Variants in SPAG16 observed in about 807,000 individuals in gnomAD.
SPAG16 encodes the protein sperm associated antigen 16.
Under a neutral mutation model 80.4 loss-of-function variants are expected in SPAG16, and 86 were observed. The observed-to-expected ratio is 1.07, with a 90% CI of 0.90 to 1.28. The LOEUF (loss-of-function observed/expected upper bound fraction) is 1.28. SPAG16 is among the 50% of genes most tolerant of loss of function. The probability of loss-of-function intolerance (pLI) is 0.00; values close to 1 mark genes in which losing one functional copy is unlikely to be tolerated. For missense variants in SPAG16, 870 were observed against 765.3 expected (o/e 1.14, Z -1.61); for synonymous variants, 294 against 265.9 (o/e 1.11, Z -1.03).
At chr2:214,130,166 G>T (rs1255581734) in intron 14 of SPAG16, among the ~76,000 whole-genome samples, 2 of 152,148 alleles carry the variant, frequency 1.3e-5, no homozygotes, top group Non-Finnish European at 2.9e-5. Flanking sequence ...GATAAGCCCT[G>T]ATTGGCAAGC....
chr2:213,447,984 G>A (rs2071440923), intron 9 of SPAG16, among the ~76,000 whole-genome samples: 1 of 152,280 alleles, frequency 6.6e-6, no homozygotes, highest in South Asian at 2.1e-4. Context: ...GTGATCATGG[G>A]CCTAATTACA....
chr2:213,833,513 A>ATATATATATTATATAT (rs2073860615), intron 10 of SPAG16, among the ~76,000 whole-genome samples: 1 of 888 alleles, frequency 1.1e-3, no homozygotes, highest in Non-Finnish European at 2.2e-3. Flanking sequence ...ATTATATATA[A>ATATATATATTATATAT]TATATATAAT....
chr2:213,704,954 A>G (rs1290156550), intron 10 of SPAG16, among the ~76,000 whole-genome samples: 2 of 148,088 alleles, frequency 1.4e-5, no homozygotes, highest in East Asian at 1.9e-4. Context: ...CAGGAATTAG[A>G]AAAAAAAAAT....
At chr2:213,817,842 G>T (rs888867632) in intron 10 of SPAG16, among the ~76,000 whole-genome samples, 1 of 152,148 alleles carries the variant, frequency 6.6e-6, no homozygotes, top group Non-Finnish European at 1.5e-5. Context: ...AGGTGGGTAA[G>T]TGTTGAAAAA....
At chr2:214,335,873 C>G (rs1697256289) in intron 15 of SPAG16, among the ~76,000 whole-genome samples, 1 of 151,160 alleles carries the variant, frequency 6.6e-6, no homozygotes, top group African/African-American at 2.4e-5. Context: ...ATTCTCCTGC[C>G]TCAGCCTCCC....
chr2:214,132,160 G>C (rs2054814914), intron 14 of SPAG16, among the ~76,000 whole-genome samples: 1 of 152,174 alleles, frequency 6.6e-6, no homozygotes, highest in Non-Finnish European at 1.5e-5. Flanking sequence ...ATTCTTGAAA[G>C]AGTTCTATTG....
At position 213,706,669 on chromosome 2, in the gene SPAG16, A is replaced by C. The variant is rs2065763887; in HGVS notation, c.1071-155816A>C. ...CTATTTAAAAACCTTTGGTAGATTA[A>C]TTAATTAACTAATGCTACATCATAA... is the stretch of plus-strand genomic sequence containing the variant. On this transcript the variant is annotated intron_variant, in intron 10 of 15. Coordinates refer to ENST00000331683, the MANE Select transcript of SPAG16 (RefSeq NM_024532.5). Among the ~76,000 whole-genome samples the C allele has an allele frequency of 2.0e-5, 3 of 152,330 alleles. 1 individual carries two copies. In the South Asian group the frequency reaches 6.2e-4, roughly 32 times the overall value.
At chr2:213,915,141 T>A (rs548254600) in intron 11 of SPAG16, among the ~76,000 whole-genome samples, 13 of 149,686 alleles carry the variant, frequency 8.7e-5, no homozygotes, top group Admixed American at 6.0e-4. Flanking sequence ...TTTTTTTTTT[T>A]AATTATACTT....
intron 13 of SPAG16, among the ~76,000 whole-genome samples, chr2:214,068,314 A>G (rs1247864290): frequency 6.6e-6 from 1 of 152,172 alleles, no homozygotes; most frequent in African/African-American, 2.4e-5. Flanking sequence ...AATAAGCACT[A>G]TTGGTGTGTA....
chr2:213,424,221 G>A (rs1226933069), intron 9 of SPAG16, among the ~76,000 whole-genome samples: 4 of 152,118 alleles, frequency 2.6e-5, no homozygotes, highest in African/African-American at 7.2e-5. Context: ...AGATATATGA[G>A]GAGGGAAATT....
At chr2:214,340,722 G>T (rs1392969063) in intron 15 of SPAG16, among the ~76,000 whole-genome samples, 1 of 152,140 alleles carries the variant, frequency 6.6e-6, no homozygotes, top group African/African-American at 2.4e-5. Context: ...TGGATTCTTT[G>T]CTTAGGGCCC....
At chr2:213,530,338 G>A (rs1395450616) in intron 10 of SPAG16, among the ~76,000 whole-genome samples, 1 of 152,200 alleles carries the variant, frequency 6.6e-6, no homozygotes, top group East Asian at 1.9e-4. Context: ...GTGACATTGT[G>A]GTGTATGACA....
chr2:213,794,554 C>A (rs951180224), intron 10 of SPAG16, among the ~76,000 whole-genome samples: 1 of 151,862 alleles, frequency 6.6e-6, no homozygotes, highest in Non-Finnish European at 1.5e-5. Context: ...CTTTTCTTCC[C>A]GAAATACTTA....
chr2:214,029,807 T>C (rs576347113), intron 13 of SPAG16, among the ~76,000 whole-genome samples: 54 of 152,282 alleles, frequency 3.5e-4, no homozygotes, highest in African/African-American at 1.3e-3. Context: ...ATTTTGCTCT[T>C]AACAGCTGTA....
chr2:214,029,440 G>A (rs2048303033), intron 13 of SPAG16, among the ~76,000 whole-genome samples: 1 of 152,020 alleles, frequency 6.6e-6, no homozygotes, highest in African/African-American at 2.4e-5. Flanking sequence ...CGAGCAAAGA[G>A]GTACATTATC....
At chr2:214,081,827 T>C (rs1221377728) in intron 13 of SPAG16, among the ~76,000 whole-genome samples, 1 of 132,218 alleles carries the variant, frequency 7.6e-6, no homozygotes, top group Non-Finnish European at 1.7e-5. Context: ...TGCTCTCTCC[T>C]ACTCATTGTA....
intron 10 of SPAG16, among the ~76,000 whole-genome samples, chr2:213,509,009 T>C (rs1220922546): frequency 3.6e-5 from 4 of 111,666 alleles, no homozygotes; most frequent in Admixed American, 8.9e-5. Flanking sequence ...CTTTTCTTTT[T>C]TTTTTGAGAT....
At position 214,080,474 on chromosome 2, in the gene SPAG16, G is replaced by T. The variant is rs192724539; in HGVS notation, c.1528-27722G>T. ...AAAAAAAAAATTAGCCGGGCGTGGT[G>T]GTGGGCGCCTGTAGTCCCAGCTACT... On this transcript the variant is annotated intron_variant, in intron 13 of 15. Coordinates refer to ENST00000331683, the MANE Select transcript of SPAG16 (RefSeq NM_024532.5). Among the ~76,000 whole-genome samples, 175 of 151,238 alleles carry T rather than the reference G, an allele frequency of 1.2e-3. 1 individual carries two copies. Among genetic ancestry groups the T allele is most frequent in the African/African-American group, 4.1e-3 (171 of 41,350 alleles).
chr2:214,055,569 G>A (rs895756417), intron 13 of SPAG16, among the ~76,000 whole-genome samples: 1 of 151,926 alleles, frequency 6.6e-6, no homozygotes, highest in Non-Finnish European at 1.5e-5. Context: ...GTTACAGAGG[G>A]AGCATGTCTT....
Sources: gnomAD v4.1 joint callset for allele counts (sites outside exome capture counted in the v4.1 genomes callset) on GRCh38, gnomAD v4.1.1 for gene constraint, MANE v1.5 for transcripts, NCBI Gene and HGNC (gene_info 2026-07-23, HGNC 2026-07-21) for gene names.